Variants in CNTNAP5 observed in about 807,000 individuals in gnomAD.
CNTNAP5 encodes contactin associated protein family member 5.
A neutral mutation model predicts 150.2 loss-of-function variants in CNTNAP5; 72 were observed. The observed-to-expected ratio is 0.48, with a 90% confidence interval of 0.40 to 0.58. The LOEUF (loss-of-function observed/expected upper bound fraction) is 0.58, where lower values mean the gene tolerates loss of function less well. Among genes scored for constraint, CNTNAP5 ranks in the 20% least tolerant of loss-of-function variants. CNTNAP5 has a pLI of 0.00. For synonymous variants in CNTNAP5, 672 were observed against 619.8 expected (o/e 1.08, Z -1.25); for missense variants, 1,636 against 1,626.2 (o/e 1.01, Z -0.10).
At chr2:124,522,201 G>C (rs1026813888) in intron 8 of CNTNAP5, among the ~76,000 whole-genome samples, 1 of 152,120 alleles carries the variant, frequency 6.6e-6, no homozygotes, top group African/African-American at 2.4e-5. Context: ...CCACTCTGAC[G>C]GTCTGGCACA....
At chr2:124,722,323 A>G (rs77129653) in intron 13 of CNTNAP5, among the ~76,000 whole-genome samples, 5,677 of 152,150 alleles carry the variant, frequency 0.037, 341 homozygotes, top group African/African-American at 0.12. Context: ...TGAGATCCAA[A>G]GTATGATTCA....
intron 1 of CNTNAP5, among the ~76,000 whole-genome samples, chr2:124,073,564 T>C (rs532996351): frequency 1.3e-5 from 2 of 152,020 alleles, no homozygotes; most frequent in South Asian, 4.1e-4. Flanking sequence ...GACATAAAAA[T>C]AGCAAACAGG....
intron 21 of CNTNAP5, among the ~76,000 whole-genome samples, chr2:124,888,396 T>C (rs1269751202): frequency 6.6e-6 from 1 of 152,198 alleles, no homozygotes; most frequent in African/African-American, 2.4e-5. Context: ...TGCATAGTGC[T>C]ATAATGAACA....
chr2:124,266,910 G>T (rs573832306), intron 3 of CNTNAP5, among the ~76,000 whole-genome samples: 2 of 151,564 alleles, frequency 1.3e-5, no homozygotes, highest in African/African-American at 4.8e-5. Flanking sequence ...TAGAAATTAC[G>T]TACGCTTTTG....
At chr2:124,413,560 G>A (rs1388008452) in intron 3 of CNTNAP5, among the ~76,000 whole-genome samples, 4 of 135,224 alleles carry the variant, frequency 3.0e-5, no homozygotes, top group Admixed American at 7.7e-5. Flanking sequence ...CATAAAAAAT[G>A]ATGAGTTCAT....
chr2:124,279,645 C>T (rs1023866871), intron 3 of CNTNAP5, among the ~76,000 whole-genome samples: 1 of 152,078 alleles, frequency 6.6e-6, no homozygotes, highest in Non-Finnish European at 1.5e-5. Flanking sequence ...CTCTCTGGAA[C>T]CTAACTAGGG....
At chr2:124,035,966 G>A (rs905390452) in intron 1 of CNTNAP5, among the ~76,000 whole-genome samples, 12 of 122,426 alleles carry the variant, frequency 9.8e-5, no homozygotes, top group African/African-American at 3.5e-4. Context: ...CGCCCAGGCC[G>A]GACTGCGGAC....
In CNTNAP5 at chr2:124,786,376, A is replaced by G. The variant is rs896600413; in HGVS notation, c.2753-3526A>G. Among the ~76,000 whole-genome samples the G allele has an allele frequency of 3.1e-3, 257 of 81,694 alleles. 3 individuals carry two copies. The highest frequency in any genetic ancestry group is 0.014 in the African/African-American group (242 of 17,086). The allele number at this position is 81,694 out of a possible 152,430, so 53.6% of individuals were successfully genotyped here. A position where few individuals can be genotyped will look rare whatever the true frequency, so the allele number is the denominator to read the frequency against. ...GGAAGAAAGAAAGAAAGAAAGAAAG[A>G]AAGAAAGAAAGAAAGAAAGAAAGAA... On this transcript the variant is annotated intron_variant, in intron 17 of 23. Transcript: ENST00000682447.
At chr2:124,787,333 A>T (rs1269780899) in intron 17 of CNTNAP5, among the ~76,000 whole-genome samples, 1 of 152,164 alleles carries the variant, frequency 6.6e-6, no homozygotes, top group Non-Finnish European at 1.5e-5. Flanking sequence ...TTCCTCTATG[A>T]TCTGCTTGTG....
At chr2:124,888,420 G>A (rs1437730922) in intron 21 of CNTNAP5, among the ~76,000 whole-genome samples, 1 of 152,088 alleles carries the variant, frequency 6.6e-6, no homozygotes, top group Admixed American at 6.6e-5. Flanking sequence ...GAGCACATGT[G>A]TCTTTTTGGT....
intron 13 of CNTNAP5, among the ~76,000 whole-genome samples, chr2:124,707,169 A>AAGAAGAAGT (rs1679702680): frequency 6.7e-6 from 1 of 148,592 alleles, no homozygotes; most frequent in Non-Finnish European, 1.5e-5. Flanking sequence ...GAAGAAGAAG[A>AAGAAGAAGT]AGAAGAAGAA....
Position 124,865,154 on chromosome 2 carries a change from C to A in CNTNAP5, c.3218-152C>A, listed in dbSNP as rs531838479. Among the ~76,000 whole-genome samples, 3 of 151,822 alleles carry A rather than the reference C, an allele frequency of 2.0e-5. No homozygotes were observed. In the East Asian group the frequency reaches 5.8e-4, roughly 29 times the overall value. ...TCTCTTCAGAATTTTCTTTAGGGACCCTGATAAATATACGTGATATATTTT... is the reference window on the plus strand; with the variant it reads ...TCTCTTCAGAATTTTCTTTAGGGACACTGATAAATATACGTGATATATTTT... On this transcript the variant is annotated intron_variant, in intron 19 of 23. Coordinates refer to ENST00000682447, the MANE Select transcript of CNTNAP5 (RefSeq NM_001367498.1).
intron 3 of CNTNAP5, among the ~76,000 whole-genome samples, chr2:124,276,060 A>G (rs1687877628): frequency 6.6e-6 from 1 of 152,176 alleles, no homozygotes; most frequent in South Asian, 2.1e-4. Context: ...ATTTCTCAGA[A>G]ATAAACCTAG....
chr2:124,245,605 A>G (rs1686997034), intron 3 of CNTNAP5, among the ~76,000 whole-genome samples: 1 of 151,482 alleles, frequency 6.6e-6, no homozygotes, highest in South Asian at 2.1e-4. Context: ...GTGTGTAAAT[A>G]TATATATGCA....
chr2:124,904,636 C>T (rs1678489911), intron 22 of CNTNAP5, among the ~76,000 whole-genome samples: 1 of 152,050 alleles, frequency 6.6e-6, no homozygotes, highest in South Asian at 2.1e-4. Context: ...GAAAATGTTG[C>T]TTATTCAATA....
At chr2:124,033,588 T>C (rs943426473) in intron 1 of CNTNAP5, among the ~76,000 whole-genome samples, 9 of 152,178 alleles carry the variant, frequency 5.9e-5, no homozygotes, top group African/African-American at 2.2e-4. Context: ...AAGAAGTCTT[T>C]GAGATTCCAG....
intron 11 of CNTNAP5, among the ~76,000 whole-genome samples, chr2:124,575,795 A>G (rs1696269934): frequency 6.6e-6 from 1 of 152,184 alleles, no homozygotes; most frequent in African/African-American, 2.4e-5. Flanking sequence ...CTCTTGCAAA[A>G]TAGGTATTGA....
chr2:124,902,608 C>T (rs1678436056), intron 21 of CNTNAP5, among the ~76,000 whole-genome samples: 1 of 152,042 alleles, frequency 6.6e-6, no homozygotes, highest in Non-Finnish European at 1.5e-5. Flanking sequence ...TCATAAAATA[C>T]ATGAATGAAA....
rs148885912 is a variant in CNTNAP5, at chr2:124,433,568, C to A, written c.530-916C>A. Among the ~76,000 whole-genome samples the A allele has an allele frequency of 4.6e-5, 7 of 152,140 alleles. No individual in the cohort carries two copies. The East Asian group carries it at 1.4e-3, about 29-fold the overall frequency. Reference sequence around the variant, plus strand: ...AATTTTAAATAGAAAATCCCACCCCCTCCACATAATCACCACAATCCCACC... The same window carrying A: ...AATTTTAAATAGAAAATCCCACCCCATCCACATAATCACCACAATCCCACC... On this transcript the variant is annotated intron_variant, in intron 4 of 23. Transcript: ENST00000682447.
Sources: allele counts gnomAD v4.1 joint callset (sites outside exome capture counted in the v4.1 genomes callset), GRCh38; gene constraint gnomAD v4.1.1; transcripts MANE v1.5; gene names NCBI Gene and HGNC (gene_info 2026-07-23, HGNC 2026-07-21).